Variants in ZNF385B observed in about 807,000 individuals in gnomAD.
The protein encoded by ZNF385B is zinc finger protein 533.
Under a neutral mutation model 39.2 loss-of-function variants are expected in ZNF385B, and 23 were observed. The observed-to-expected ratio is 0.59, with a 90% CI of 0.42 to 0.83. The LOEUF (loss-of-function observed/expected upper bound fraction) is 0.83, where lower values mean the gene tolerates loss of function less well. Among genes scored for constraint, ZNF385B ranks in the 40% least tolerant of loss-of-function variants. The probability of loss-of-function intolerance (pLI) is 0.00; values close to 1 mark genes in which losing one functional copy is unlikely to be tolerated. For synonymous variants in ZNF385B, 205 were observed against 222.6 expected, an observed-to-expected ratio of 0.92 and a Z score of 0.70; for missense variants, 552 against 598.9, an observed-to-expected ratio of 0.92 and a Z score of 0.82.
At chr2:179,767,236 C>G (rs16866987) in intron 3 of ZNF385B, among the ~76,000 whole-genome samples, 40,596 of 151,996 alleles carry the variant, frequency 0.27, 6,039 homozygotes, top group East Asian at 0.5. Context: ...TCTGTTAAGA[C>G]GATGTATGTC....
At chr2:179,729,283 T>C (rs903734167) in intron 3 of ZNF385B, among the ~76,000 whole-genome samples, 1 of 152,146 alleles carries the variant, frequency 6.6e-6, no homozygotes, top group Non-Finnish European at 1.5e-5. Flanking sequence ...GCAAACATCA[T>C]TGACAATCAA....
chr2:179,764,904 G>C (rs558431701), intron 3 of ZNF385B, among the ~76,000 whole-genome samples: 2 of 152,276 alleles, frequency 1.3e-5, no homozygotes, highest in African/African-American at 4.8e-5. Context: ...TGTGACATTA[G>C]TTTCTTTTCC....
At chr2:179,836,775 C>T (rs914089733) in intron 1 of ZNF385B, among the ~76,000 whole-genome samples, 1 of 152,066 alleles carries the variant, frequency 6.6e-6, no homozygotes, top group African/African-American at 2.4e-5. Flanking sequence ...GCCTCGGCCT[C>T]CCAAAGTGCT....
chr2:179,597,813 CTTGGT>C (rs1446328415), intron 3 of ZNF385B, among the ~76,000 whole-genome samples: 1 of 151,956 alleles, frequency 6.6e-6, no homozygotes, highest in Non-Finnish European at 1.5e-5. Context: ...GTCTTTTTTT[CTTGGT>C]TTGAAGTTCA....
At chr2:179,658,093 T>C (rs1420137463) in intron 3 of ZNF385B, among the ~76,000 whole-genome samples, 2 of 152,224 alleles carry the variant, frequency 1.3e-5, no homozygotes, top group Non-Finnish European at 2.9e-5. Context: ...ACTGCATAGA[T>C]GAATTCAACT....
At chr2:179,580,689 G>A (rs2106031464) in intron 3 of ZNF385B, among the ~76,000 whole-genome samples, 1 of 152,298 alleles carries the variant, frequency 6.6e-6, no homozygotes, top group South Asian at 2.1e-4. Flanking sequence ...GCCAGGAAAA[G>A]AGCCCTCACC....
rs1305108063 is a variant in ZNF385B at position 179,514,887 on chromosome 2, T to C, written c.552+3641A>G. 4.0e-5 allele frequency among the ~76,000 whole-genome samples: 6 copies of C among 151,542 alleles called. No homozygotes were observed. The East Asian group carries it at 1.2e-3, about 30-fold the overall frequency. On this transcript the variant is annotated intron_variant, in intron 5 of 9. Coordinates refer to ENST00000410066, the MANE Select transcript of ZNF385B (RefSeq NM_152520.6). ...TCTGCCACCTGGGTTCAAGCGATTC[T>C]CCTGCCTCAGCCTCCCAAGTAGCTG...
At chr2:179,639,248 A>AAAAAAAG (rs1288891564) in intron 3 of ZNF385B, among the ~76,000 whole-genome samples, 1 of 98,942 alleles carries the variant, frequency 1.0e-5, no homozygotes, top group Non-Finnish European at 2.4e-5. Context: ...AAAAAAAAAA[A>AAAAAAAG]AGGGGGAGAA....
chr2:179,543,578 A>G (rs542934607), intron 4 of ZNF385B, among the ~76,000 whole-genome samples: 1 of 152,260 alleles, frequency 6.6e-6, no homozygotes, highest in South Asian at 2.1e-4. Context: ...TCTGGGATGC[A>G]GCGGGTGGAT....
chr2:179,592,478 T>C (rs1488485672), intron 3 of ZNF385B, among the ~76,000 whole-genome samples: 2 of 152,122 alleles, frequency 1.3e-5, no homozygotes, highest in Non-Finnish European at 2.9e-5. Flanking sequence ...AAACTGAGAA[T>C]GAAAGCATGA....
intron 1 of ZNF385B, among the ~76,000 whole-genome samples, chr2:179,842,298 C>T (rs1398881672): frequency 6.6e-6 from 1 of 152,108 alleles, no homozygotes; most frequent in African/African-American, 2.4e-5. Flanking sequence ...TTCTATGAAA[C>T]TGAAACTAAA....
At chr2:179,628,480 T>C (rs1236735848) in intron 3 of ZNF385B, among the ~76,000 whole-genome samples, 1 of 152,200 alleles carries the variant, frequency 6.6e-6, no homozygotes, top group Non-Finnish European at 1.5e-5. Flanking sequence ...TTCTTGAAAA[T>C]GGGTAGACCT....
At chr2:179,561,163 T>C (rs1186004661) in intron 3 of ZNF385B, among the ~76,000 whole-genome samples, 1 of 152,226 alleles carries the variant, frequency 6.6e-6, no homozygotes, top group Non-Finnish European at 1.5e-5. Context: ...CCACAATAAG[T>C]AGTTTTCTAA....
rs574732292 is a variant in ZNF385B at position 179,473,290 on chromosome 2, A to T, written c.715+9982T>A. On this transcript the variant is annotated intron_variant, in intron 6 of 9. Coordinates refer to ENST00000410066, the MANE Select transcript of ZNF385B (RefSeq NM_152520.6). ...ATAATTACTATGAGGCAAGAAAACA[A>T]GTACATAAAGAGGAATGTAAGTGCA... Among the ~76,000 whole-genome samples, 4 of 152,334 alleles carry T rather than the reference A, an allele frequency of 2.6e-5. No individual in the cohort carries two copies. In the South Asian group the frequency reaches 8.3e-4, roughly 32 times the overall value.
At chr2:179,700,065 AC>A (rs1699068693) in intron 3 of ZNF385B, among the ~76,000 whole-genome samples, 12 of 148,478 alleles carry the variant, frequency 8.1e-5, no homozygotes, top group Non-Finnish European at 1.5e-5. Context: ...AAAAACACAC[AC>A]ACACACACAC....
chr2:179,758,095 T>A (rs942197780), intron 3 of ZNF385B, among the ~76,000 whole-genome samples: 1 of 152,126 alleles, frequency 6.6e-6, no homozygotes, highest in African/African-American at 2.4e-5. Context: ...TATTTGGCCA[T>A]CTTGCTAGTT....
chr2:179,480,747 A>G (rs865842758), intron 6 of ZNF385B: 1 of 151,918 alleles, frequency 6.6e-6, no homozygotes, highest in African/African-American at 2.4e-5. Flanking sequence ...TAGCTTTTAT[A>G]AGTATAATAG....
intron 5 of ZNF385B, among the ~76,000 whole-genome samples, chr2:179,486,163 G>A (rs761341294): frequency 9.2e-5 from 14 of 152,100 alleles, no homozygotes; most frequent in Non-Finnish European, 1.3e-4. Context: ...AATTGATAAT[G>A]TAGTATAATA....
intron 1 of ZNF385B, among the ~76,000 whole-genome samples, chr2:179,796,744 C>A (rs1240736169): frequency 6.6e-6 from 1 of 152,066 alleles, no homozygotes; most frequent in African/African-American, 2.4e-5. Flanking sequence ...AAAGGTATAA[C>A]AGCAGACACT....
Sources: allele counts gnomAD v4.1 joint callset (sites outside exome capture counted in the v4.1 genomes callset), GRCh38; gene constraint gnomAD v4.1.1; transcripts MANE v1.5; gene names NCBI Gene and HGNC (gene_info 2026-07-23, HGNC 2026-07-21).